Variants in ACOXL observed in about 807,000 individuals in gnomAD.
ACOXL encodes the protein acyl-CoA oxidase like.
In ACOXL, 70 loss-of-function variants were observed where a neutral mutation model predicts 71.9. That is an observed-to-expected ratio of 0.97 (90% CI 0.80 to 1.19). The LOEUF is 1.19. ACOXL is among the 50% of genes most tolerant of loss of function. ACOXL has a pLI of 0.00. For synonymous variants in ACOXL, 253 were observed against 281.6 expected, an observed-to-expected ratio of 0.90 and a Z score of 1.02; for missense variants, 703 against 736.3, an observed-to-expected ratio of 0.95 and a Z score of 0.52.
chr2:110,860,364 G>A (rs551694050), intron 10 of ACOXL, among the ~76,000 whole-genome samples: 17 of 152,284 alleles, frequency 1.1e-4, no homozygotes, highest in African/African-American at 3.9e-4. Flanking sequence ...ATTCGCCTTG[G>A]CCTCCCAAAG....
intron 9 of ACOXL, among the ~76,000 whole-genome samples, chr2:110,826,726 T>A (rs1057041355): frequency 1.3e-5 from 2 of 152,012 alleles, no homozygotes; most frequent in African/African-American, 4.8e-5. Flanking sequence ...GATTTGGAGA[T>A]GTTGTTTTGC....
intron 13 of ACOXL, among the ~76,000 whole-genome samples, chr2:110,988,857 T>TTGTG (rs70958753): frequency 0.23 from 32,942 of 143,192 alleles, 3,867 homozygotes; most frequent in Middle Eastern, 0.3. Flanking sequence ...CCTATTTTTA[T>TTGTG]TGTGTGTGTG....
chr2:110,832,463 G>A (rs1202935466), intron 9 of ACOXL, among the ~76,000 whole-genome samples: 3 of 151,514 alleles, frequency 2.0e-5, no homozygotes, highest in Admixed American at 6.6e-5. Flanking sequence ...GCATGAACCC[G>A]GGAAGCGGAG....
chr2:110,758,899 G>T lies in ACOXL; in HGVS notation c.-22-9469G>T, dbSNP rs548466753. Among the ~76,000 whole-genome samples, 3 of 152,280 alleles carry T rather than the reference G, an allele frequency of 2.0e-5. No individual in the cohort carries two copies. The East Asian group carries it at 5.8e-4, about 29-fold the overall frequency. On this transcript the variant is annotated intron_variant, in intron 1 of 17. Transcript: ENST00000439055. ...TTTCTTTGTTCTCATTAGTTTCAAA[G>T]AACTTCTTGATTTCTGCCTTAATTT...
intron 16 of ACOXL, among the ~76,000 whole-genome samples, chr2:111,074,181 A>G (rs1041892613): frequency 1.4e-5 from 2 of 145,454 alleles, no homozygotes; most frequent in Admixed American, 6.8e-5. Context: ...TTTTTTTTCT[A>G]TGTAAGCAAG....
intron 14 of ACOXL, among the ~76,000 whole-genome samples, chr2:111,023,578 C>T (rs1437775807): frequency 6.6e-6 from 1 of 151,962 alleles, no homozygotes. Context: ...GGAGAAGGGG[C>T]CCCATGGGAA....
intron 10 of ACOXL, among the ~76,000 whole-genome samples, chr2:110,892,298 C>T (rs1698010655): frequency 6.6e-6 from 1 of 152,012 alleles, no homozygotes; most frequent in Admixed American, 6.6e-5. Context: ...AGGAAGAACG[C>T]CCTGAAATGA....
chr2:110,980,213 C>T (rs1443440873), intron 12 of ACOXL, among the ~76,000 whole-genome samples: 1 of 152,250 alleles, frequency 6.6e-6, no homozygotes, highest in Non-Finnish European at 1.5e-5. Context: ...TACAGTTACT[C>T]CTGTAGAGCA....
intron 12 of ACOXL, among the ~76,000 whole-genome samples, chr2:110,981,972 C>T (rs1328773622): frequency 6.6e-6 from 1 of 152,216 alleles, no homozygotes; most frequent in Non-Finnish European, 1.5e-5. Flanking sequence ...TTATATCTAA[C>T]TGGAAAGAGA....
At chr2:110,931,476 G>C (rs2060476780) in intron 11 of ACOXL, among the ~76,000 whole-genome samples, 1 of 152,108 alleles carries the variant, frequency 6.6e-6, no homozygotes, top group African/African-American at 2.4e-5. Context: ...CATGGGTGAT[G>C]ATAATATAGC....
intron 2 of ACOXL, 73 bp downstream of exon 2, chr2:110,768,537 AGT>A: frequency 7.6e-7 from 1 of 1,319,850 alleles, no homozygotes; most frequent in Non-Finnish European, 1.1e-6. Context: ...AGAGAGAGAG[AGT>A]TTTTTTCTCT....
chr2:110,853,170 T>A (rs186958153), intron 10 of ACOXL, among the ~76,000 whole-genome samples: 5 of 152,310 alleles, frequency 3.3e-5, no homozygotes, highest in Non-Finnish European at 5.9e-5. Flanking sequence ...TAAACTATGG[T>A]GATTTTGCCT....
intron 14 of ACOXL, among the ~76,000 whole-genome samples, chr2:111,011,169 G>C (rs908671830): frequency 6.6e-6 from 1 of 152,154 alleles, no homozygotes; most frequent in Non-Finnish European, 1.5e-5. Context: ...AGGTTGTAGT[G>C]TAAATGGAAT....
At chr2:111,022,421 TCACA>T (rs10543530) in intron 14 of ACOXL, among the ~76,000 whole-genome samples, 19 of 147,488 alleles carry the variant, frequency 1.3e-4, no homozygotes, top group South Asian at 4.3e-4. Flanking sequence ...AGACCCCTCC[TCACA>T]CACACACACA....
intron 14 of ACOXL, among the ~76,000 whole-genome samples, chr2:111,006,851 A>G (rs1420863334): frequency 6.6e-6 from 1 of 151,996 alleles, no homozygotes; most frequent in Non-Finnish European, 1.5e-5. Flanking sequence ...GAGCCACCGC[A>G]CCCGGCTGTC....
At chr2:110,795,502 C>T (rs1175948586) in intron 5 of ACOXL, 1 of 152,256 alleles carries the variant, frequency 6.6e-6, no homozygotes, top group African/African-American at 2.4e-5. Context: ...ATGGCTGTGC[C>T]ATGTACCAGG....
intron 14 of ACOXL, among the ~76,000 whole-genome samples, chr2:111,027,509 A>C (rs2065071260): frequency 6.6e-6 from 1 of 151,582 alleles, no homozygotes; most frequent in South Asian, 2.1e-4. Flanking sequence ...TTTGGTAGAG[A>C]CAGGGTTTCA....
chr2:111,049,406 G>A lies in ACOXL; in HGVS notation c.1440+118G>A. 3 of 794,668 alleles carry A rather than the reference G, an allele frequency of 3.8e-6. No individual in the cohort carries two copies. In the South Asian group the frequency reaches 4.9e-5, roughly 13 times the overall value. The allele number at this position is 794,668 out of a possible 1,614,324, so 49.2% of individuals were successfully genotyped here. A position where few individuals can be genotyped will look rare whatever the true frequency, so the allele number is the denominator to read the frequency against. ...TATCATGTCTGAATCGTGTGCTCCA[G>A]GGGGATAAGCTTGTCATAGGCGAAT... On this transcript the variant is annotated intron_variant, in intron 16 of 17. Coordinates refer to ENST00000439055, the MANE Select transcript of ACOXL (RefSeq NM_001142807.4).
chr2:110,977,448 G>A (rs556535226), intron 12 of ACOXL, among the ~76,000 whole-genome samples: 1 of 151,948 alleles, frequency 6.6e-6, no homozygotes, highest in East Asian at 1.9e-4. Context: ...AGGGAGGGAA[G>A]AAAAGGAATG....
Sources: gnomAD v4.1 joint callset for allele counts (sites outside exome capture counted in the v4.1 genomes callset) on GRCh38, gnomAD v4.1.1 for gene constraint, MANE v1.5 for transcripts, NCBI Gene and HGNC (gene_info 2026-07-23, HGNC 2026-07-21) for gene names.